SLC2A9: variants seen among roughly 807,000 people sequenced by gnomAD.
SLC2A9 encodes the protein solute carrier family 2 member 9, also known as solute carrier family 2, facilitated glucose transporter member 9.
A neutral mutation model predicts 50.6 loss-of-function variants in SLC2A9; 39 were observed. The observed-to-expected ratio is 0.77, with a 90% CI of 0.60 to 1.01. The LOEUF is 1.01. SLC2A9 is among the 50% of genes least tolerant of loss of function. The pLI, the probability that SLC2A9 is intolerant of heterozygous loss-of-function variation, is 0.00. For missense variants in SLC2A9, 686 were observed against 677.6 expected (o/e 1.01, Z -0.14); for synonymous variants, 324 against 276.9 (o/e 1.17, Z -1.69).
At chr4:9,987,423 A>G (rs16868271) in intron 3 of SLC2A9, among the ~76,000 whole-genome samples, 9,660 of 152,258 alleles carry the variant, frequency 0.063, 638 homozygotes, top group East Asian at 0.39. Context: ...TCCGGCCTAG[A>G]AACTTGTTTT....
chr4:9,941,912 C>T lies in SLC2A9; in HGVS notation c.814+1G>A, dbSNP rs1448689396. 6.2e-7 allele frequency: 1 copy of T among 1,614,080 alleles called. No homozygotes were observed. Among genetic ancestry groups the T allele is most frequent in the Admixed American group, 1.7e-5 (1 of 60,022 alleles). On this transcript the variant is annotated splice_donor_variant, in intron 6 of 11. Coordinates refer to ENST00000264784, the MANE Select transcript of SLC2A9 (RefSeq NM_020041.3). LOFTEE classifies it high-confidence loss of function. The stretch of plus-strand genomic sequence containing the variant: ...TGTGCAGGAAAGGGAAGGGCCCTCA[C>T]CTTTCACAGCTCTTGCCTCGTTGTG...
intron 1 of SLC2A9, among the ~76,000 whole-genome samples, chr4:10,028,303 G>T (rs774465418): frequency 6.6e-6 from 1 of 152,238 alleles, no homozygotes; most frequent in Non-Finnish European, 1.5e-5. Context: ...CCATAAATGC[G>T]AATGCAGCAC....
chr4:10,022,713 A>G (rs2109573165), upstream of SLC2A9, among the ~76,000 whole-genome samples: 1 of 152,346 alleles, frequency 6.6e-6, no homozygotes, highest in African/African-American at 2.4e-5. Flanking sequence ...AGTAAAAAGC[A>G]CACAATAAAA....
intron 3 of SLC2A9, among the ~76,000 whole-genome samples, chr4:9,811,474 G>A (rs1399060981): frequency 6.6e-6 from 1 of 152,168 alleles, no homozygotes; most frequent in Non-Finnish European, 1.5e-5. Flanking sequence ...TTTTGGAGAT[G>A]GTAACACTTG....
At chr4:9,792,342 AG>A (rs1720042574) in intron 3 of SLC2A9, among the ~76,000 whole-genome samples, 1 of 143,482 alleles carries the variant, frequency 7.0e-6, no homozygotes, top group Non-Finnish European at 1.5e-5. Flanking sequence ...ACACCTGGAT[AG>A]TTTTTTTTTT....
chr4:9,894,191 C>A (rs1353842530), intron 8 of SLC2A9, among the ~76,000 whole-genome samples: 1 of 152,092 alleles, frequency 6.6e-6, no homozygotes, highest in Non-Finnish European at 1.5e-5. Flanking sequence ...ATCTAGAAAT[C>A]CACCAACAAT....
chr4:9,928,682 C>G (rs990028018), intron 6 of SLC2A9, among the ~76,000 whole-genome samples: 1 of 152,076 alleles, frequency 6.6e-6, no homozygotes, highest in African/African-American at 2.4e-5. Context: ...TGCAGTGAGC[C>G]GAAAGTGCAT....
rs1034134939 is a variant in SLC2A9 at position 9,958,547 on chromosome 4, G to A, written c.682-16502C>T. 2.6e-5 allele frequency among the ~76,000 whole-genome samples: 4 copies of A among 152,156 alleles called. No individual in the cohort carries two copies. In the East Asian group the frequency reaches 5.8e-4, roughly 22 times the overall value. Reference sequence around the variant, plus strand: ...AGGAGAAATACCTAATGTAGATCACGGGTTGATAGGTGCAACAAACCACTA... The same window carrying A: ...AGGAGAAATACCTAATGTAGATCACAGGTTGATAGGTGCAACAAACCACTA... On this transcript the variant is annotated intron_variant, in intron 5 of 11. Transcript: ENST00000264784.
intron 2 of SLC2A9, 74 bp downstream of exon 2, chr4:10,018,901 G>A: frequency 7.0e-7 from 1 of 1,433,516 alleles, no homozygotes; most frequent in South Asian, 1.2e-5. Flanking sequence ...GGGCGCTGGA[G>A]CCCAGGGCCC....
At chr4:9,956,041 C>T (rs1053782520) in intron 5 of SLC2A9, among the ~76,000 whole-genome samples, 2 of 151,720 alleles carry the variant, frequency 1.3e-5, no homozygotes, top group Non-Finnish European at 2.9e-5. Flanking sequence ...CCATGCCCGG[C>T]TAATTTTTCG....
chr4:9,930,657 G>A (rs1171293592), intron 6 of SLC2A9, among the ~76,000 whole-genome samples: 2 of 152,236 alleles, frequency 1.3e-5, no homozygotes, highest in African/African-American at 4.8e-5. Context: ...CAGATGTCTA[G>A]TCTGCAGAAA....
At chr4:9,858,825 G>A (rs1731140675) in intron 10 of SLC2A9, among the ~76,000 whole-genome samples, 1 of 152,158 alleles carries the variant, frequency 6.6e-6, no homozygotes, top group South Asian at 2.1e-4. Context: ...ACTGGGAGAG[G>A]CAGACCCACC....
intron 10 of SLC2A9, among the ~76,000 whole-genome samples, chr4:9,847,078 C>A (rs1311829124): frequency 1.3e-5 from 2 of 152,160 alleles, no homozygotes; most frequent in Admixed American, 1.3e-4. Context: ...CCTCTTAGGT[C>A]TGTACTGGGG....
chr4:9,802,543 T>C (rs1262185343), intron 3 of SLC2A9, among the ~76,000 whole-genome samples: 1 of 147,364 alleles, frequency 6.8e-6, no homozygotes, highest in Non-Finnish European at 1.5e-5. Context: ...AGTAAAGAGG[T>C]TTTTTTTGTT....
At chr4:9,775,250 G>C (rs185129831), downstream of SLC2A9, among the ~76,000 whole-genome samples, 2 of 152,290 alleles carry the variant, frequency 1.3e-5, no homozygotes, top group East Asian at 1.9e-4. Context: ...TCACAGCATG[G>C]TGGCTGGGGC....
chr4:9,828,940 T>G (rs1725576624), intron 11 of SLC2A9, among the ~76,000 whole-genome samples: 1 of 152,154 alleles, frequency 6.6e-6, no homozygotes, highest in Non-Finnish European at 1.5e-5. Context: ...AGTGAGTGGA[T>G]GGATGGACTG....
chr4:9,916,566 T>C (rs922110444), intron 7 of SLC2A9, among the ~76,000 whole-genome samples: 3 of 152,152 alleles, frequency 2.0e-5, no homozygotes, highest in Admixed American at 6.5e-5. Flanking sequence ...CTGCCACCTG[T>C]GAGATATTTT....
At chr4:9,834,407 T>C (rs1296457877) in intron 11 of SLC2A9, among the ~76,000 whole-genome samples, 2 of 152,192 alleles carry the variant, frequency 1.3e-5, no homozygotes, top group African/African-American at 4.8e-5. Flanking sequence ...AAAAGACTTG[T>C]ATCTGATTCT....
At chr4:10,001,529 G>A (rs570233481) in intron 2 of SLC2A9, among the ~76,000 whole-genome samples, 15 of 152,302 alleles carry the variant, frequency 9.8e-5, no homozygotes, top group East Asian at 5.8e-4. Context: ...CACTCAGTCC[G>A]TGGTACTTTG....
Sources: allele counts gnomAD v4.1 joint callset (sites outside exome capture counted in the v4.1 genomes callset), GRCh38; gene constraint gnomAD v4.1.1; transcripts MANE v1.5; gene names NCBI Gene and HGNC (gene_info 2026-07-23, HGNC 2026-07-21).